Variants in CNGA1 observed in about 807,000 individuals in gnomAD.
CNGA1 encodes the protein cyclic nucleotide-gated channel alpha-1.
In CNGA1, 53 loss-of-function variants were observed where a neutral mutation model predicts 69.7. The ratio of observed to expected loss-of-function variants is 0.76; its 90% CI spans 0.61 to 0.96. The LOEUF is 0.96. CNGA1 is among the 40% of genes least tolerant of loss of function. The probability of loss-of-function intolerance (pLI) is 0.00; values close to 1 mark genes in which losing one functional copy is unlikely to be tolerated. For missense variants in CNGA1, 739 were observed against 811.2 expected (o/e 0.91, Z 1.08); for synonymous variants, 249 against 283.5 (o/e 0.88, Z 1.22).
chr4:47,963,460 G>A (rs558794526), intron 3 of CNGA1, among the ~76,000 whole-genome samples: 1 of 152,286 alleles, frequency 6.6e-6, no homozygotes, highest in East Asian at 1.9e-4. Context: ...TTCTGGTTGT[G>A]GGAACTTCCT....
intron 3 of CNGA1, among the ~76,000 whole-genome samples, chr4:47,978,481 C>T (rs923463310): frequency 5.3e-5 from 8 of 151,686 alleles, no homozygotes; most frequent in Non-Finnish European, 8.8e-5. Context: ...TGTATTATAC[C>T]GTCTAACTAT....
chr4:48,014,032 C>A (rs970672547), intron 1 of CNGA1, among the ~76,000 whole-genome samples: 3 of 152,186 alleles, frequency 2.0e-5, no homozygotes, highest in African/African-American at 4.8e-5. Context: ...TTGACCATCA[C>A]CCCTGGGTCT....
rs529698942 is a variant in CNGA1 at position 47,955,475 on chromosome 4, G to A, written c.-14-2772C>T. Reference sequence around the variant, plus strand: ...TGGGATTACAGGCGTGAGCCACCGCGCCTGGCCCATATAACAATTTTTTTA... The same window carrying A: ...TGGGATTACAGGCGTGAGCCACCGCACCTGGCCCATATAACAATTTTTTTA... On this transcript the variant is annotated intron_variant, in intron 3 of 10. Coordinates refer to ENST00000514170, the MANE Select transcript of CNGA1 (RefSeq NM_001379270.1). Among the ~76,000 whole-genome samples, 6 of 152,150 alleles carry A rather than the reference G, an allele frequency of 3.9e-5. No homozygotes were observed. The South Asian group carries it at 8.3e-4, about 21-fold the overall frequency.
chr4:47,995,934 G>C (rs1422140510), intron 2 of CNGA1, among the ~76,000 whole-genome samples: 1 of 152,134 alleles, frequency 6.6e-6, no homozygotes, highest in Non-Finnish European at 1.5e-5. Flanking sequence ...TAGCCACCCA[G>C]CAAGTCTACC....
chr4:48,001,765 C>A (rs1714673060), intron 2 of CNGA1, among the ~76,000 whole-genome samples: 1 of 152,004 alleles, frequency 6.6e-6, no homozygotes, highest in Non-Finnish European at 1.5e-5. Flanking sequence ...GAACATCCAC[C>A]AAGACAGATC....
intron 2 of CNGA1, among the ~76,000 whole-genome samples, chr4:47,986,634 A>G (rs1396924321): frequency 6.6e-6 from 1 of 152,174 alleles, no homozygotes; most frequent in Admixed American, 6.5e-5. Flanking sequence ...CATTCATTTC[A>G]CATATAATTC....
chr4:47,951,414 T>C lies in CNGA1; in HGVS notation c.163A>G (p.Asn55Asp), dbSNP rs2110157829. The C allele has an allele frequency of 6.2e-7, 1 of 1,613,898 alleles. No homozygotes were observed. Among genetic ancestry groups the C allele is most frequent in the Non-Finnish European group, 8.5e-7 (1 of 1,179,838 alleles). Residue 55 changes from asparagine (N) to aspartate (D), a missense_variant, in exon 5 of 11, where the codon AAC becomes GAC. Coordinates refer to ENST00000514170, the MANE Select transcript of CNGA1 (RefSeq NM_001379270.1). ...ASTSEESENE[N>D]PHARGSFSYK... ...CTAAAGGAACCCCTTGCATGAGGGT[T>C]TTCATTCTCTGATTCTTCAGATGTA...
At chr4:47,973,207 A>T (rs1296096349) in intron 3 of CNGA1, among the ~76,000 whole-genome samples, 1 of 144,322 alleles carries the variant, frequency 6.9e-6, no homozygotes, top group African/African-American at 2.9e-5. Flanking sequence ...ACCTGGGATT[A>T]AAGGCACCCA....
At chr4:48,001,821 T>C (rs1277246586) in intron 2 of CNGA1, among the ~76,000 whole-genome samples, 1 of 152,090 alleles carries the variant, frequency 6.6e-6, no homozygotes, top group African/African-American at 2.4e-5. Context: ...CAAAGAACTA[T>C]TATTGTTCAG....
chr4:47,959,170 A>G (rs1040153768), intron 3 of CNGA1: 4 of 152,038 alleles, frequency 2.6e-5, no homozygotes, highest in African/African-American at 9.7e-5. Context: ...AGTTGGTGGC[A>G]AATGTGGGTG....
intron 3 of CNGA1, chr4:47,970,833 G>GA (rs11292902): frequency 0.023 from 10,411 of 452,300 alleles, 164 homozygotes; most frequent in Non-Finnish European, 0.034. Context: ...TTTTTGGAAG[G>GA]AAAAAAAAGG....
At chr4:47,939,114 G>A (rs1291330135) in intron 10 of CNGA1, among the ~76,000 whole-genome samples, 2 of 152,264 alleles carry the variant, frequency 1.3e-5, no homozygotes, top group Middle Eastern at 3.4e-3. Context: ...GCAGCCCTTG[G>A]TGAGGTCCAA....
intron 2 of CNGA1, among the ~76,000 whole-genome samples, chr4:48,009,692 T>C (rs1715067964): frequency 6.6e-6 from 1 of 150,496 alleles, no homozygotes; most frequent in Non-Finnish European, 1.5e-5. Flanking sequence ...TAATGCCAAC[T>C]ACATGGGAGG....
chr4:47,950,996 G>A (rs1739705510), intron 5 of CNGA1, among the ~76,000 whole-genome samples: 1 of 152,214 alleles, frequency 6.6e-6, no homozygotes, highest in Non-Finnish European at 1.5e-5. Flanking sequence ...ACCCCAGTGG[G>A]TCTCAGGGAA....
chr4:47,969,711 C>T (rs1185944715), intron 3 of CNGA1, among the ~76,000 whole-genome samples: 2 of 152,114 alleles, frequency 1.3e-5, no homozygotes, highest in East Asian at 3.9e-4. Context: ...CTCGGGTGAT[C>T]TCCCCGCTTT....
rs374697239 is a variant in CNGA1 at position 47,937,720 on chromosome 4, C to A, written c.762G>T (p.Leu254Phe). 1.7e-5 allele frequency: 28 copies of A among 1,613,886 alleles called. No homozygotes were observed. Among genetic ancestry groups the A allele is most frequent in the Non-Finnish European group, 2.3e-5 (27 of 1,179,940 alleles). ...AGTTCCACCCTAACTTAAAATACAG[C>A]AAATCAGTTGGTATCAGTGACAGAA... is the stretch of plus-strand genomic sequence containing the variant. Reference protein sequence around the residue: ...LDVLSLIPTDLLYFKLGWNYP... With the variant: ...LDVLSLIPTDFLYFKLGWNYP... The change falls in exon 11 of 11, where the codon TTG becomes TTT. Residue 254 changes from leucine (L) to phenylalanine (F), a missense_variant. Transcript: ENST00000514170.
At position 47,937,455 on chromosome 4, in the gene CNGA1, TAGCCAAACGGCCAAATTC is replaced by T. The variant is rs1738740919; in HGVS notation, c.1009_1026del (p.Glu337_Ala342del). On this transcript the variant is annotated inframe_deletion, in exon 11 of 11. Coordinates refer to ENST00000514170, the MANE Select transcript of CNGA1 (RefSeq NM_001379270.1). ...CAGTAAAGGCTGTATACGTATTTTC[TAGCCAAACGGCCAAATTC>T]AGGATCATTAATATCAGGGTAGACC... 6.2e-7 allele frequency: 1 copy of T among 1,614,084 alleles called. No homozygotes were observed. Among genetic ancestry groups the T allele is most frequent in the Non-Finnish European group, 8.5e-7 (1 of 1,180,038 alleles).
chr4:47,946,435 C>A (rs538967234), intron 6 of CNGA1, among the ~76,000 whole-genome samples: 1 of 152,110 alleles, frequency 6.6e-6, no homozygotes, highest in Non-Finnish European at 1.5e-5. Flanking sequence ...CAGGGGATAA[C>A]AAACTGTACA....
chr4:47,970,208 G>C (rs1740940162), intron 3 of CNGA1, among the ~76,000 whole-genome samples: 1 of 152,160 alleles, frequency 6.6e-6, no homozygotes, highest in African/African-American at 2.4e-5. Context: ...TGTGGCCCTG[G>C]ATAGAGGGGG....
Sources: allele counts gnomAD v4.1 joint callset (sites outside exome capture counted in the v4.1 genomes callset), GRCh38; gene constraint gnomAD v4.1.1; transcripts MANE v1.5; gene names NCBI Gene and HGNC (gene_info 2026-07-23, HGNC 2026-07-21).